Variants in PRKAR1B observed in about 807,000 individuals in gnomAD.
PRKAR1B encodes the protein cAMP-dependent protein kinase type I-beta regulatory subunit.
In PRKAR1B, 22 loss-of-function variants were observed where a neutral mutation model predicts 46.5. That is an observed-to-expected ratio of 0.47 (90% CI 0.34 to 0.68). PRKAR1B has a LOEUF of 0.68. PRKAR1B is among the 30% of genes least tolerant of loss of function. The pLI, the probability that PRKAR1B is intolerant of heterozygous loss-of-function variation, is 0.01. For missense variants in PRKAR1B, 445 were observed against 535.6 expected, an observed-to-expected ratio of 0.83 and a Z score of 1.67; for synonymous variants, 259 against 217.7, an observed-to-expected ratio of 1.19 and a Z score of -1.67.
chr7:703,680 G>C (rs534493568), intron 2 of PRKAR1B, among the ~76,000 whole-genome samples: 1 of 150,962 alleles, frequency 6.6e-6, no homozygotes, highest in African/African-American at 2.4e-5. Context: ...AAATCAGCAG[G>C]AATGCAAAAG....
At chr7:550,768 T>C (rs947986434) in intron 10 of PRKAR1B, among the ~76,000 whole-genome samples, 166 bp from the exon 11 acceptor site, 3 of 152,192 alleles carry the variant, frequency 2.0e-5, no homozygotes, top group Admixed American at 2.0e-4. Context: ...CCGAGAACTA[T>C]TTGGGATATA....
chr7:614,209 C>G (rs969185328), intron 4 of PRKAR1B, among the ~76,000 whole-genome samples: 5 of 152,254 alleles, frequency 3.3e-5, no homozygotes, highest in African/African-American at 1.2e-4. Flanking sequence ...TGCCCAACCT[C>G]AGCCACTCAG....
intron 2 of PRKAR1B, among the ~76,000 whole-genome samples, chr7:710,882 G>A (rs1411399811): frequency 6.6e-6 from 1 of 152,110 alleles, no homozygotes; most frequent in East Asian, 1.9e-4. Flanking sequence ...GACCTCAAGT[G>A]ATCTGCCCGC....
intron 9 of PRKAR1B, among the ~76,000 whole-genome samples, chr7:572,115 G>A (rs1289058095): frequency 6.6e-6 from 1 of 152,056 alleles, no homozygotes; most frequent in Non-Finnish European, 1.5e-5. Flanking sequence ...CGAGGCTGAC[G>A]GCAGGTGCAG....
At chr7:689,236 C>G (rs2128514367) in intron 2 of PRKAR1B, among the ~76,000 whole-genome samples, 2 of 152,230 alleles carry the variant, frequency 1.3e-5, no homozygotes, top group East Asian at 3.9e-4. Flanking sequence ...ATTCTCCTGC[C>G]TCAGCCTCCC....
intron 4 of PRKAR1B, among the ~76,000 whole-genome samples, chr7:651,507 C>T (rs967788085): frequency 6.6e-6 from 1 of 151,942 alleles, no homozygotes; most frequent in Middle Eastern, 3.4e-3. Flanking sequence ...TGGGAAACCC[C>T]CTGTCAGAAG....
Position 627,856 on chromosome 7 carries a change from G to A in PRKAR1B, c.441-20404C>T, listed in dbSNP as rs550722604. On this transcript the variant is annotated intron_variant, in intron 4 of 10. Coordinates refer to ENST00000537384, the MANE Select transcript of PRKAR1B (RefSeq NM_001164760.2). ...CGGCCCTCACTGGTATTTTCCGAGT[G>A]CCCGCTATGTACAGGCAGGTCTGTG... Among the ~76,000 whole-genome samples the A allele has an allele frequency of 5.9e-5, 9 of 152,326 alleles. No homozygotes were observed. The East Asian group carries it at 1.5e-3, about 26-fold the overall frequency.
intron 9 of PRKAR1B, among the ~76,000 whole-genome samples, chr7:574,485 C>G (rs549264632): frequency 2.8e-4 from 43 of 151,654 alleles, no homozygotes; most frequent in African/African-American, 9.4e-4. Flanking sequence ...TGCTCTGTGG[C>G]CCAGGCTGGA....
chr7:661,549 C>CT (rs1188661691), intron 4 of PRKAR1B, among the ~76,000 whole-genome samples: 3 of 53,944 alleles, frequency 5.6e-5, no homozygotes, highest in African/African-American at 1.6e-4. Context: ...AATACCTACT[C>CT]TCCCCCCCAT....
chr7:688,095 C>CA (rs762256783), intron 2 of PRKAR1B, among the ~76,000 whole-genome samples: 1,645 of 33,544 alleles, frequency 0.049, 70 homozygotes, highest in African/African-American at 0.096. Context: ...CACTCCACCT[C>CA]AAAAAAAAAA....
At chr7:629,843 C>G (rs80005180) in intron 4 of PRKAR1B, among the ~76,000 whole-genome samples, 3 of 64,632 alleles carry the variant, frequency 4.6e-5, no homozygotes, top group Non-Finnish European at 5.9e-5. Flanking sequence ...CACGGCCTCC[C>G]AGGGCGCCAC....
chr7:579,196 G>A (rs943765696), intron 9 of PRKAR1B, 60 bp downstream of exon 9: 14 of 1,612,082 alleles, frequency 8.7e-6, no homozygotes, highest in South Asian at 2.2e-5. Context: ...AGAGGAGAAG[G>A]TAAGAAGTGC....
At chr7:705,259 C>T (rs528048755) in intron 2 of PRKAR1B, among the ~76,000 whole-genome samples, 17 of 150,072 alleles carry the variant, frequency 1.1e-4, no homozygotes, top group South Asian at 6.3e-4. Context: ...ACCGAGATCA[C>T]GCCATTGCCC....
At position 600,141 on chromosome 7, in the gene PRKAR1B, C is replaced by T. The variant is rs570219557; in HGVS notation, c.550-3837G>A. 1.1e-4 allele frequency among the ~76,000 whole-genome samples: 16 copies of T among 152,330 alleles called. No individual in the cohort carries two copies. In the South Asian group the frequency reaches 2.9e-3, roughly 28 times the overall value. On this transcript the variant is annotated intron_variant, in intron 6 of 10. Transcript: ENST00000537384. ...GACAGTGGTGACGGTTGTAAAACAA[C>T]GTGAATATTCTTAATGCCACCGAAC... is the stretch of plus-strand genomic sequence containing the variant.
rs565349463 is a variant in PRKAR1B, at chr7:636,731, G to A, written c.441-29279C>T. On this transcript the variant is annotated intron_variant, in intron 4 of 10. Transcript: ENST00000537384. ...AGGCTGTGCTGTAGAAGCCTGCTGGGGAGGGGGCCGGCGGGACCTGACGGG... is the reference window on the plus strand; with the variant it reads ...AGGCTGTGCTGTAGAAGCCTGCTGGAGAGGGGGCCGGCGGGACCTGACGGG... Among the ~76,000 whole-genome samples, 5 of 152,358 alleles carry A rather than the reference G, an allele frequency of 3.3e-5. 1 individual carries two copies. The highest frequency in any genetic ancestry group is 9.6e-5 in the African/African-American group (4 of 41,582).
intron 8 of PRKAR1B, among the ~76,000 whole-genome samples, chr7:580,334 G>C (rs992202527): frequency 6.6e-5 from 10 of 151,622 alleles, no homozygotes; most frequent in Non-Finnish European, 1.5e-4. Context: ...TGGGTGGATT[G>C]CCTGAGCTCA....
At chr7:599,989 G>A (rs1468492075) in intron 6 of PRKAR1B, among the ~76,000 whole-genome samples, 2 of 151,166 alleles carry the variant, frequency 1.3e-5, no homozygotes, top group Middle Eastern at 3.2e-3. Context: ...ACCTTCACTC[G>A]CTCACCCTCT....
intron 7 of PRKAR1B, among the ~76,000 whole-genome samples, chr7:585,289 G>A (rs1218815889): frequency 1.3e-5 from 2 of 152,176 alleles, no homozygotes; most frequent in African/African-American, 2.4e-5. Flanking sequence ...CCAGCCTGGT[G>A]TGCAGAAAGC....
rs1347792276 is a variant in PRKAR1B, at chr7:691,481, C to T, written c.178-10755G>A. ...CCCACGGATGAAGATGCAGGCAGGG[C>T]CCCCCAGCGCACCACAGCCATCCAG... On this transcript the variant is annotated intron_variant, in intron 2 of 10. Transcript: ENST00000537384. 1.5e-5 allele frequency: 19 copies of T among 1,302,670 alleles called. No individual in the cohort carries two copies. In the South Asian group the frequency reaches 2.1e-4, roughly 14 times the overall value. 80.7% of individuals were successfully genotyped at this position (1,302,670 alleles called of 1,614,324 possible). A position where few individuals can be genotyped will look rare whatever the true frequency, so the allele number is the denominator to read the frequency against.
Sources: gnomAD v4.1 joint callset for allele counts (sites outside exome capture counted in the v4.1 genomes callset) on GRCh38, gnomAD v4.1.1 for gene constraint, MANE v1.5 for transcripts, NCBI Gene and HGNC (gene_info 2026-07-23, HGNC 2026-07-21) for gene names.